BLTP1: variants seen among roughly 807,000 people sequenced by gnomAD.
BLTP1 encodes the protein bridge-like lipid transfer protein family member 1, also known as fragile site-associated protein.
At chr4:122,338,203 C>T in the BLTP1 span, among the ~76,000 whole-genome samples, 2 of 151,876 alleles carry the variant, frequency 1.3e-5, no homozygotes, top group Admixed American at 1.3e-4. Context: ...AATCACAGCA[C>T]TTTGGGAGGC....
chr4:122,152,779 A>G, the BLTP1 span, among the ~76,000 whole-genome samples: 2 of 141,540 alleles, frequency 1.4e-5, no homozygotes, highest in Non-Finnish European at 3.1e-5. Flanking sequence ...GGTCAGTGGC[A>G]AAGTCTGGAA....
chr4:122,226,501 A>G, the BLTP1 span: 5 of 1,337,736 alleles, frequency 3.7e-6, no homozygotes, highest in Non-Finnish European at 4.8e-6. Flanking sequence ...GCATTTTGTC[A>G]TTCATAAAGG....
At chr4:122,307,541 A>G in the BLTP1 span, 1 of 985,016 alleles carries the variant, frequency 1.0e-6, no homozygotes, top group African/African-American at 1.7e-5. Context: ...TGTAAATCAG[A>G]TCCTTTTAAT....
the BLTP1 span, chr4:122,341,624 A>G: frequency 1.1e-6 from 1 of 925,600 alleles, no homozygotes; most frequent in Non-Finnish European, 1.3e-6. Flanking sequence ...ATAAATGAAT[A>G]GCACCCCTCA....
At chr4:122,259,578 C>T in the BLTP1 span, among the ~76,000 whole-genome samples, 2 of 152,226 alleles carry the variant, frequency 1.3e-5, no homozygotes, top group African/African-American at 4.8e-5. Context: ...TTTTAACTTT[C>T]TGGCCAGGCG....
At chr4:122,318,452 C>T in the BLTP1 span, among the ~76,000 whole-genome samples, 1 of 152,186 alleles carries the variant, frequency 6.6e-6, no homozygotes, top group African/African-American at 2.4e-5. Flanking sequence ...AACTGAGACA[C>T]AGGTCAAGTA....
chr4:122,342,999 T>G, the BLTP1 span, among the ~76,000 whole-genome samples: 1 of 152,320 alleles, frequency 6.6e-6, no homozygotes, highest in South Asian at 2.1e-4. Context: ...TTGCCCTGTT[T>G]CCACTGCACC....
the BLTP1 span, chr4:122,277,265 C>A: frequency 3.3e-6 from 1 of 306,570 alleles, no homozygotes; most frequent in South Asian, 1.3e-4. Context: ...CACTTGAGCC[C>A]AAGAGGTCCA....
the BLTP1 span, chr4:122,207,446 A>G: frequency 1.4e-5 from 20 of 1,468,342 alleles, 1 homozygote; most frequent in Middle Eastern, 7.4e-4. Flanking sequence ...AATTTTGTTT[A>G]GTTGTGCATT....
At chr4:122,276,598 G>A in the BLTP1 span, 153 of 984,946 alleles carry the variant, frequency 1.6e-4, no homozygotes, top group Admixed American at 4.3e-4. Context: ...TCTGGCTTAT[G>A]TTGAAACTGA....
At chr4:122,241,775 T>C in the BLTP1 span, among the ~76,000 whole-genome samples, 1 of 152,220 alleles carries the variant, frequency 6.6e-6, no homozygotes, top group Non-Finnish European at 1.5e-5. Flanking sequence ...AATATGTTGG[T>C]ATATGAATTT....
the BLTP1 span, chr4:122,359,574 A>C: frequency 6.2e-6 from 10 of 1,610,642 alleles, no homozygotes; most frequent in Non-Finnish European, 7.6e-6. Flanking sequence ...TCCACCTCGG[A>C]TTTTATCTAC....
At chr4:122,208,497 T>C in the BLTP1 span, 2 of 951,404 alleles carry the variant, frequency 2.1e-6, no homozygotes, top group Admixed American at 1.2e-4. Flanking sequence ...GAAATGAGAC[T>C]TACTAGAATC....
the BLTP1 span, chr4:122,262,639 T>C: frequency 9.0e-7 from 1 of 1,107,192 alleles, no homozygotes; most frequent in Admixed American, 2.5e-5. Context: ...GTATACATGA[T>C]CAGTTTTGGT....
chr4:122,190,130 T>A, the BLTP1 span: 1 of 1,606,524 alleles, frequency 6.2e-7, no homozygotes, highest in Non-Finnish European at 8.5e-7. Context: ...AGAGTGAGAC[T>A]CTGTCACACA....
the BLTP1 span, chr4:122,190,551 CAA>C: frequency 1.4e-6 from 1 of 719,886 alleles, no homozygotes; most frequent in African/African-American, 1.9e-5. Context: ...TGTCATTTCT[CAA>C]AACTTGAATA....
At chr4:122,329,514 C>G in the BLTP1 span, among the ~76,000 whole-genome samples, 1 of 149,778 alleles carries the variant, frequency 6.7e-6, no homozygotes, top group Non-Finnish European at 1.5e-5. Flanking sequence ...GGAAATATTA[C>G]TTTATAGTTG....
At chr4:122,224,838 G>A in the BLTP1 span, 1 of 1,531,184 alleles carries the variant, frequency 6.5e-7, no homozygotes, top group Non-Finnish European at 8.8e-7. Context: ...AGTTATAGGT[G>A]AATCAGAGAC....
the BLTP1 span, chr4:122,221,794 A>G: frequency 1.0e-6 from 1 of 984,240 alleles, no homozygotes; most frequent in Non-Finnish European, 1.2e-6. Flanking sequence ...CTATTAAGGA[A>G]ATTAATAAAG....
Sources: gnomAD v4.1 joint callset for allele counts (sites outside exome capture counted in the v4.1 genomes callset) on GRCh38, gnomAD v4.1.1 for gene constraint, MANE v1.5 for transcripts, NCBI Gene and HGNC (gene_info 2026-07-23, HGNC 2026-07-21) for gene names.